The following SPTBN1 variants were observed in gnomAD, a reference collection of about 807,000 sequenced individuals.
SPTBN1 encodes spectrin beta chain, non-erythrocytic 1.
SPTBN1 carries 32 observed loss-of-function variants against 266.4 expected under a neutral mutation model. That is an observed-to-expected ratio of 0.12 (90% CI 0.09 to 0.16). The LOEUF (loss-of-function observed/expected upper bound fraction) is 0.16, where lower values mean the gene tolerates loss of function less well. Among genes scored for constraint, SPTBN1 ranks in the 10% least tolerant of loss-of-function variants. SPTBN1 has a pLI of 1.00. For missense variants in SPTBN1, 2,296 were observed against 3,067.1 expected (o/e 0.75, Z 5.94); for synonymous variants, 1,336 against 1,162.2 (o/e 1.15, Z -3.04).
Position 54,628,480 on chromosome 2 carries a change from T to C in SPTBN1, c.1798+230T>C, listed in dbSNP as rs1678500618. Among the ~76,000 whole-genome samples, 1 of 152,226 alleles carries C rather than the reference T, an allele frequency of 6.6e-6. No homozygotes were observed. Among genetic ancestry groups the C allele is most frequent in the Non-Finnish European group, 1.5e-5 (1 of 68,036 alleles). ...AATGCTGCCTTTGCTTTGAGTGGCT[T>C]GGTGTTTGGCAGTGAGACTTTGTCA... On this transcript the variant is annotated intron_variant, in intron 13 of 35. Coordinates refer to ENST00000356805, the MANE Select transcript of SPTBN1 (RefSeq NM_003128.3). The surrounding 1 kb of genome is among the most constrained non-coding windows in gnomAD (Gnocchi z 4.3).
In SPTBN1 at chr2:54,558,899, C is replaced by T; in HGVS notation, c.148+32333C>T. Reference sequence around the variant, plus strand: ...CAAGCAGCTGCAAGGTAAGCCCCCTCCCAAAGGCCGGGCCTGTCCTGGGTG... The same window carrying T: ...CAAGCAGCTGCAAGGTAAGCCCCCTTCCAAAGGCCGGGCCTGTCCTGGGTG... On this transcript the variant is annotated intron_variant, in intron 2 of 35. Transcript: ENST00000356805. The surrounding 1 kb of genome is among the most constrained non-coding windows in gnomAD (Gnocchi z 4.6). 2.5e-6 allele frequency: 4 copies of T among 1,611,882 alleles called. No homozygotes were observed. Among genetic ancestry groups the T allele is most frequent in the Admixed American group, 1.7e-5 (1 of 59,836 alleles).
chr2:54,555,089 G>A (rs1204184804), intron 2 of SPTBN1, among the ~76,000 whole-genome samples: 1 of 151,986 alleles, frequency 6.6e-6, no homozygotes, highest in Non-Finnish European at 1.5e-5. Flanking sequence ...TTTCCTCTTT[G>A]AGTCTCTCTC....
chr2:54,460,683 A>T (rs1693320064), intron 1 of SPTBN1, among the ~76,000 whole-genome samples: 1 of 152,156 alleles, frequency 6.6e-6, no homozygotes, highest in African/African-American at 2.4e-5. Flanking sequence ...GTACAAAATA[A>T]TGTTCCTAAA....
intron 1 of SPTBN1, among the ~76,000 whole-genome samples, chr2:54,475,129 C>T (rs889907679): frequency 6.6e-6 from 1 of 152,136 alleles, no homozygotes; most frequent in East Asian, 1.9e-4. Flanking sequence ...TCACTTGAGC[C>T]CGGGAGGCAG....
intron 1 of SPTBN1, among the ~76,000 whole-genome samples, chr2:54,485,709 C>T (rs1156928457): frequency 4.0e-5 from 6 of 150,482 alleles, no homozygotes; most frequent in South Asian, 4.2e-4. Context: ...AAGTGAGGAG[C>T]GTCTCTGCCC....
intron 4 of SPTBN1, 59 bp downstream of exon 4, chr2:54,612,393 T>C: frequency 6.5e-7 from 1 of 1,540,110 alleles, no homozygotes; most frequent in Non-Finnish European, 8.8e-7. Context: ...GTATGAGCAT[T>C]GTTATAGAGC....
At chr2:54,611,830 A>T (rs1573526885) in intron 3 of SPTBN1, among the ~76,000 whole-genome samples, 1 of 152,218 alleles carries the variant, frequency 6.6e-6, no homozygotes, top group East Asian at 1.9e-4. Flanking sequence ...GCAAAAAAAA[A>T]AAATTGTATG....
chr2:54,592,477 C>T (rs900666876), intron 2 of SPTBN1, among the ~76,000 whole-genome samples: 3 of 151,964 alleles, frequency 2.0e-5, no homozygotes, highest in African/African-American at 2.4e-5. Context: ...CTCTGCCTCC[C>T]GGGTTCAAAC....
rs759526094 is a variant in SPTBN1, at chr2:54,646,017, G to C, written c.4584G>C (p.Gln1528His). Residue 1528 changes from glutamine (Q) to histidine (H), a missense_variant and splice_region_variant, in exon 22 of 36, where the codon CAG becomes CAC. Coordinates refer to ENST00000356805, the MANE Select transcript of SPTBN1 (RefSeq NM_003128.3). This position sits in a 1 kb window ranked among gnomAD's most constrained non-coding sequence, Gnocchi z 4.4. ...TGCAGCTGTTAATAAAGAAAAATCA[G>C]GTAAGCCTTTCTGCTCGAGCTAGTT... is the stretch of plus-strand genomic sequence containing the variant. ...QTVQLLIKKN[Q>H]TLQKEIQGHQ... 8 of 1,614,166 alleles carry C rather than the reference G, an allele frequency of 5.0e-6. No homozygotes were observed. In the South Asian group the frequency reaches 8.8e-5, roughly 18 times the overall value.
intron 26 of SPTBN1, 84 bp downstream of exon 26, chr2:54,650,073 C>A: frequency 6.7e-7 from 1 of 1,488,116 alleles, no homozygotes; most frequent in Admixed American, 2.2e-5. Context: ...TCTCCCTGTT[C>A]CTTGGCTCTT....
At chr2:54,581,828 G>A (rs929327542) in intron 2 of SPTBN1, among the ~76,000 whole-genome samples, 4 of 151,980 alleles carry the variant, frequency 2.6e-5, no homozygotes, top group East Asian at 3.9e-4. Flanking sequence ...AGGAAGCTCC[G>A]CTAAACATTT....
intron 4 of SPTBN1, among the ~76,000 whole-genome samples, 175 bp downstream of exon 4, chr2:54,612,509 G>A (rs999890571): frequency 2.6e-5 from 4 of 152,188 alleles, no homozygotes; most frequent in African/African-American, 9.6e-5. Context: ...TCGTAGGCAC[G>A]TGGAAGCTAC....
At chr2:54,536,357 C>G (rs1671599364) in intron 2 of SPTBN1, among the ~76,000 whole-genome samples, 1 of 152,178 alleles carries the variant, frequency 6.6e-6, no homozygotes, top group South Asian at 2.1e-4. Context: ...ACGCAGCTCT[C>G]TAGAATTTTA....
Position 54,668,760 on chromosome 2 carries a change from A to G in SPTBN1, c.*191A>G, listed in dbSNP as rs550349164. ...CTAAACACTTTATCTCCAAGTTACA[A>G]AAGTTTGAGGTGCAGAGGGAAGGCC... On this transcript the variant is annotated 3_prime_UTR_variant, in exon 36 of 36. Coordinates refer to ENST00000356805, the MANE Select transcript of SPTBN1 (RefSeq NM_003128.3). 25 of 569,216 alleles carry G rather than the reference A, an allele frequency of 4.4e-5. No individual in the cohort carries two copies. The highest frequency in any genetic ancestry group is 7.7e-5 in the African/African-American group (4 of 51,684). The allele number at this position is 569,216 out of a possible 1,614,324, so 35.3% of individuals were successfully genotyped here.
chr2:54,660,865 A>T, intron 32 of SPTBN1: 1 of 985,398 alleles, frequency 1.0e-6, no homozygotes, highest in Non-Finnish European at 1.2e-6. Context: ...GCGGCAGGTG[A>T]CAGCCGTTCT....
rs56027497 is a variant in SPTBN1 at position 54,533,349 on chromosome 2, A to AGTGTGTGTGT, written c.148+6820_148+6829dup. Among the ~76,000 whole-genome samples the AGTGTGTGTGT allele has an allele frequency of 2.8e-4, 40 of 141,968 alleles. No homozygotes were observed. The highest frequency in any genetic ancestry group is 9.0e-4 in the African/African-American group (34 of 37,804). The allele number at this position is 141,968 out of a possible 152,430, so 93.1% of individuals were successfully genotyped here. ...AGTGAAACCCAGGCTAAAGGGGACT[A>AGTGTGTGTGT]GTGTGTGTGTGTGTGTGTGTGTGTG... On this transcript the variant is annotated intron_variant, in intron 2 of 35. Transcript: ENST00000356805. The surrounding 1 kb of genome is among the most constrained non-coding windows in gnomAD (Gnocchi z 4.2).
At chr2:54,618,367 T>C (rs1677763567) in intron 7 of SPTBN1, among the ~76,000 whole-genome samples, 174 bp downstream of exon 7, 1 of 152,218 alleles carries the variant, frequency 6.6e-6, no homozygotes, top group Non-Finnish European at 1.5e-5. Context: ...CAAAAAGGCC[T>C]TGAAAGATGA....
intron 4 of SPTBN1, among the ~76,000 whole-genome samples, chr2:54,613,834 T>C (rs58987524): frequency 0.026 from 3,997 of 152,326 alleles, 176 homozygotes; most frequent in African/African-American, 0.088. Flanking sequence ...TTATTAGCAG[T>C]ACACTCCTCT....
intron 2 of SPTBN1, among the ~76,000 whole-genome samples, chr2:54,560,517 A>C (rs939600042): frequency 6.6e-6 from 1 of 152,094 alleles, no homozygotes; most frequent in African/African-American, 2.4e-5. Flanking sequence ...ACACACAGGA[A>C]ATGTCTTAAC....
Sources: gnomAD v4.1 joint callset for allele counts (sites outside exome capture counted in the v4.1 genomes callset) on GRCh38, gnomAD v4.1.1 for gene constraint, Gnocchi (gnomAD v3.1) non-coding constraint, MANE v1.5 for transcripts, NCBI Gene and HGNC (gene_info 2026-07-23, HGNC 2026-07-21) for gene names.